KIAA0040: variants seen among roughly 807,000 people sequenced by gnomAD.
KIAA0040 encodes uncharacterized protein KIAA0040.
A neutral mutation model predicts 7.2 loss-of-function variants in KIAA0040; 10 were observed. The ratio of observed to expected loss-of-function variants is 1.38; its 90% CI spans 0.85 to 2.34. KIAA0040 has a LOEUF of 2.34. KIAA0040 is among the 30% of genes most tolerant of loss of function. KIAA0040 has a pLI of 0.00. For synonymous variants in KIAA0040, 49 were observed against 40.1 expected, an observed-to-expected ratio of 1.22 and a Z score of -0.84; for missense variants, 89 against 108.2, an observed-to-expected ratio of 0.82 and a Z score of 0.79.
chr1:175,183,735 G>A (rs956470835), intron 1 of KIAA0040, among the ~76,000 whole-genome samples: 1 of 152,202 alleles, frequency 6.6e-6, no homozygotes, highest in South Asian at 2.1e-4. Flanking sequence ...CCGCACTAGC[G>A]AGCAGAGATC....
chr1:175,182,789 C>T (rs1357350257), intron 1 of KIAA0040, among the ~76,000 whole-genome samples: 1 of 152,210 alleles, frequency 6.6e-6, no homozygotes, highest in Non-Finnish European at 1.5e-5. Flanking sequence ...TTGTGGGAAC[C>T]AGATGAGTTA....
At chr1:175,162,111 C>G (rs532865047) in intron 3 of KIAA0040, among the ~76,000 whole-genome samples, 2 of 152,250 alleles carry the variant, frequency 1.3e-5, no homozygotes, top group East Asian at 1.9e-4. Flanking sequence ...CCACATATAT[C>G]TTAAAGCTCA....
intron 2 of KIAA0040, among the ~76,000 whole-genome samples, chr1:175,168,508 T>C (rs1181487517): frequency 6.6e-6 from 1 of 152,124 alleles, no homozygotes; most frequent in Non-Finnish European, 1.5e-5. Context: ...AAAGCACAAA[T>C]AGAGCATCAA....
At chr1:175,179,748 G>A (rs147527778) in intron 1 of KIAA0040, among the ~76,000 whole-genome samples, 80 of 152,256 alleles carry the variant, frequency 5.3e-4, no homozygotes, top group African/African-American at 1.8e-3. Flanking sequence ...TCAATCTACT[G>A]TAATTTGTAG....
At position 175,158,873 on chromosome 1, in the gene KIAA0040, T is replaced by A. The variant is rs900546177; in HGVS notation, c.*1841A>T. 1.3e-5 allele frequency: 2 copies of A among 152,148 alleles called. No individual in the cohort carries two copies. Among genetic ancestry groups the A allele is most frequent in the Non-Finnish European group, 2.9e-5 (2 of 68,026 alleles). The allele number at this position is 152,148 out of a possible 1,614,324, so 9.4% of individuals were successfully genotyped here. A position where few individuals can be genotyped will look rare whatever the true frequency, so the allele number is the denominator to read the frequency against. On this transcript the variant is annotated 3_prime_UTR_variant, in exon 4 of 4. Transcript: ENST00000423313. Reference sequence around the variant, plus strand: ...CTGTTAGAAAACCCTGGTGCAAGGGTCACCACTAAATGCCCACCCTCCACA... The same window carrying A: ...CTGTTAGAAAACCCTGGTGCAAGGGACACCACTAAATGCCCACCCTCCACA...
intron 1 of KIAA0040, among the ~76,000 whole-genome samples, chr1:175,190,245 T>C (rs1308603048): frequency 6.6e-6 from 1 of 152,244 alleles, no homozygotes; most frequent in Non-Finnish European, 1.5e-5. Flanking sequence ...CAAGGTATCC[T>C]GAGAAAGCCT....
At chr1:175,173,685 G>A (rs377294222) in intron 2 of KIAA0040, among the ~76,000 whole-genome samples, 36 of 152,304 alleles carry the variant, frequency 2.4e-4, no homozygotes, top group African/African-American at 7.5e-4. Flanking sequence ...AGCCTGCCAC[G>A]TGCGTCACAC....
chr1:175,170,108 C>T (rs1324432821), intron 2 of KIAA0040, among the ~76,000 whole-genome samples: 2 of 152,152 alleles, frequency 1.3e-5, no homozygotes, highest in African/African-American at 4.8e-5. Context: ...TGCTAAGGAC[C>T]AAGCGTGCAC....
At chr1:175,182,307 C>T (rs897267550) in intron 1 of KIAA0040, among the ~76,000 whole-genome samples, 2 of 152,194 alleles carry the variant, frequency 1.3e-5, no homozygotes, top group Admixed American at 6.5e-5. Context: ...ACCCCAACTA[C>T]ATTTTATCTC....
intron 1 of KIAA0040, among the ~76,000 whole-genome samples, chr1:175,185,041 A>G (rs146245771): frequency 0.01 from 1,565 of 152,296 alleles, 27 homozygotes; most frequent in African/African-American, 0.035. Flanking sequence ...TAGGGATGTT[A>G]CAGGTTGAAT....
rs528111437 is a variant in KIAA0040, at chr1:175,189,284, T to A, written c.-384+3356A>T. Among the ~76,000 whole-genome samples the A allele has an allele frequency of 5.5e-4, 83 of 152,232 alleles. 1 individual carries two copies. The highest frequency in any genetic ancestry group is 1.0e-3 in the Non-Finnish European group (68 of 68,044). On this transcript the variant is annotated intron_variant, in intron 1 of 3. Coordinates refer to ENST00000423313, the MANE Select transcript of KIAA0040 (RefSeq NM_014656.3). ...TCACAAATATACCCAAGTCATTGACTAATGCTCAGATTCAGGGCCATTGGA... is the reference window on the plus strand; with the variant it reads ...TCACAAATATACCCAAGTCATTGACAAATGCTCAGATTCAGGGCCATTGGA...
At chr1:175,179,564 T>A (rs1431568827) in intron 1 of KIAA0040, among the ~76,000 whole-genome samples, 5 of 152,222 alleles carry the variant, frequency 3.3e-5, no homozygotes, top group Non-Finnish European at 5.9e-5. Context: ...ATTTATCTCT[T>A]GATCCCTTGG....
At chr1:175,185,641 C>A (rs1167926204) in intron 1 of KIAA0040, among the ~76,000 whole-genome samples, 6 of 152,284 alleles carry the variant, frequency 3.9e-5, no homozygotes, top group Non-Finnish European at 1.5e-5. Context: ...AGTTTGGCAA[C>A]TCCTCAAAAA....
intron 2 of KIAA0040, among the ~76,000 whole-genome samples, chr1:175,168,904 G>A (rs553066127): frequency 1.3e-5 from 2 of 152,166 alleles, no homozygotes; most frequent in Non-Finnish European, 2.9e-5. Context: ...ATCTTCTCCC[G>A]GGCCCTCCCT....
rs1279228516 is a variant in KIAA0040 at position 175,160,915 on chromosome 1, C to T, written c.99G>A (p.Leu33=). ...TGATGATCACCAAGAGTGGCAGGCC[C>T]AGGAGGACTCCCAGGCAGATGGTGT... ...IYNTICLGVL[L]GLPLLVIITL... Residue 33 remains leucine, a synonymous_variant, in exon 4 of 4, where the codon CTG becomes CTA. Transcript: ENST00000423313. 6.4e-7 allele frequency: 1 copy of T among 1,551,536 alleles called. No individual in the cohort carries two copies. The highest frequency in any genetic ancestry group is 8.7e-7 in the Non-Finnish European group (1 of 1,146,986).
chr1:175,159,110 G>T lies in KIAA0040; in HGVS notation c.*1604C>A, dbSNP rs1260990081. ...TTCAAGAGAGCTGCCCAGCATATTT[G>T]TAAATAAACTTCTAGAGCATAACTT... On this transcript the variant is annotated 3_prime_UTR_variant, in exon 4 of 4. Transcript: ENST00000423313. 1 of 152,238 alleles carries T rather than the reference G, an allele frequency of 6.6e-6. No individual in the cohort carries two copies. The highest frequency in any genetic ancestry group is 2.4e-5 in the African/African-American group (1 of 41,432). The allele number at this position is 152,238 out of a possible 1,614,324, so 9.4% of individuals were successfully genotyped here.
chr1:175,184,433 C>T (rs1677576093), intron 1 of KIAA0040, among the ~76,000 whole-genome samples: 1 of 152,194 alleles, frequency 6.6e-6, no homozygotes, highest in African/African-American at 2.4e-5. Flanking sequence ...CTTCTTCTCA[C>T]ATACACAGTG....
At chr1:175,190,556 G>C (rs1232778898) in intron 1 of KIAA0040, among the ~76,000 whole-genome samples, 1 of 152,076 alleles carries the variant, frequency 6.6e-6, no homozygotes, top group African/African-American at 2.4e-5. Flanking sequence ...GCTCTACAAG[G>C]TACCTTCCCC....
intron 2 of KIAA0040, among the ~76,000 whole-genome samples, chr1:175,175,187 G>T (rs1436993426): frequency 1.3e-5 from 2 of 152,198 alleles, no homozygotes; most frequent in East Asian, 3.8e-4. Context: ...GCATGAGAAC[G>T]ACCAAACACT....
Sources: gnomAD v4.1 joint callset for allele counts (sites outside exome capture counted in the v4.1 genomes callset) on GRCh38, gnomAD v4.1.1 for gene constraint, MANE v1.5 for transcripts, NCBI Gene and HGNC (gene_info 2026-07-23, HGNC 2026-07-21) for gene names.